The following CATSPERB variants were observed in gnomAD, a reference collection of about 807,000 sequenced individuals.
CATSPERB encodes the protein catsper channel auxiliary subunit beta.
Under a neutral mutation model 128.3 loss-of-function variants are expected in CATSPERB, and 93 were observed. That is an observed-to-expected ratio of 0.72 (90% CI 0.61 to 0.86). CATSPERB has a LOEUF of 0.86. CATSPERB is among the 40% of genes least tolerant of loss of function. The pLI is 0.00. For synonymous variants in CATSPERB, 381 were observed against 448.8 expected (o/e 0.85, Z 1.91); for missense variants, 1,153 against 1,329.5 (o/e 0.87, Z 2.06).
chr14:91,731,089 C>G (rs1366943149), intron 1 of CATSPERB, among the ~76,000 whole-genome samples: 1 of 152,204 alleles, frequency 6.6e-6, no homozygotes, highest in Non-Finnish European at 1.5e-5. Flanking sequence ...TCTTATATCA[C>G]TTTGCTAAAC....
intron 6 of CATSPERB, 75 bp downstream of exon 6, chr14:91,708,066 C>G (rs1249101850): frequency 2.1e-6 from 2 of 932,348 alleles, no homozygotes; most frequent in African/African-American, 3.3e-5. Flanking sequence ...AGCACAGAAT[C>G]TGGCATATAG....
chr14:91,612,482 C>G (rs1216201821), intron 20 of CATSPERB, among the ~76,000 whole-genome samples: 1 of 152,032 alleles, frequency 6.6e-6, no homozygotes, highest in Non-Finnish European at 1.5e-5. Context: ...ATAAAATTCA[C>G]TTAGTAATCA....
chr14:91,621,544 T>C (rs1894041482), intron 19 of CATSPERB, 64 bp downstream of exon 19: 1 of 1,271,876 alleles, frequency 7.9e-7, no homozygotes, highest in East Asian at 2.3e-5. Flanking sequence ...TCAAAGAGTA[T>C]ATTTCACATT....
intron 18 of CATSPERB, among the ~76,000 whole-genome samples, chr14:91,622,300 C>A (rs1894064939): frequency 6.6e-6 from 1 of 151,886 alleles, no homozygotes; most frequent in Admixed American, 6.6e-5. Flanking sequence ...TAGCCAGTTT[C>A]CCCAGTACCT....
chr14:91,699,114 A>AC (rs1223905256), intron 7 of CATSPERB, among the ~76,000 whole-genome samples: 2 of 152,186 alleles, frequency 1.3e-5, no homozygotes, highest in East Asian at 3.8e-4. Context: ...GTTGATGGGC[A>AC]CTTAGGTTTG....
At chr14:91,717,300 A>G (rs2139776002) in intron 5 of CATSPERB, among the ~76,000 whole-genome samples, 1 of 152,342 alleles carries the variant, frequency 6.6e-6, no homozygotes, top group East Asian at 1.9e-4. Context: ...ACGGTTGTAT[A>G]CATTTGTCAA....
At chr14:91,681,034 C>T (rs760643182) in intron 11 of CATSPERB, among the ~76,000 whole-genome samples, 10 of 152,094 alleles carry the variant, frequency 6.6e-5, no homozygotes, top group Non-Finnish European at 8.8e-5. Context: ...TGCCAGAAAA[C>T]GATTAAGTCT....
At chr14:91,594,243 C>T (rs1048983383) in intron 22 of CATSPERB, among the ~76,000 whole-genome samples, 4 of 151,862 alleles carry the variant, frequency 2.6e-5, no homozygotes, top group Admixed American at 6.6e-5. Context: ...AACCAAACAC[C>T]GCATGTTCTC....
At chr14:91,685,484 C>G (rs551132521) in intron 10 of CATSPERB, among the ~76,000 whole-genome samples, 3 of 152,130 alleles carry the variant, frequency 2.0e-5, no homozygotes, top group Non-Finnish European at 4.4e-5. Flanking sequence ...TTGAGACTGC[C>G]TATGTGCAAG....
chr14:91,584,289 G>C (rs529159090), intron 26 of CATSPERB, among the ~76,000 whole-genome samples: 39 of 152,060 alleles, frequency 2.6e-4, no homozygotes, highest in Non-Finnish European at 4.1e-4. Context: ...GGCTGGTCTC[G>C]AACTCCTGAC....
chr14:91,665,235 T>C (rs1191888281), intron 14 of CATSPERB, among the ~76,000 whole-genome samples: 1 of 152,192 alleles, frequency 6.6e-6, no homozygotes, highest in Admixed American at 6.5e-5. Flanking sequence ...ATTTTTGATC[T>C]ACACACTTTT....
At chr14:91,710,536 G>C (rs1033982439) in intron 5 of CATSPERB, 1 of 152,086 alleles carries the variant, frequency 6.6e-6, no homozygotes, top group African/African-American at 2.4e-5. Context: ...CCTCTACTTG[G>C]CACTATTACA....
At chr14:91,587,606 G>T (rs1486608501) in intron 25 of CATSPERB, among the ~76,000 whole-genome samples, 8 of 149,182 alleles carry the variant, frequency 5.4e-5, no homozygotes, top group South Asian at 2.1e-4. Context: ...ATTCTGATTG[G>T]TTTTCACAAT....
chr14:91,652,265 C>A (rs879363794), intron 15 of CATSPERB, among the ~76,000 whole-genome samples: 15 of 151,980 alleles, frequency 9.9e-5, no homozygotes, highest in Admixed American at 9.8e-4. Flanking sequence ...ATCAAAACTT[C>A]ATTCAAAAAA....
chr14:91,591,163 T>G (rs1893392999), intron 23 of CATSPERB, among the ~76,000 whole-genome samples: 1 of 152,154 alleles, frequency 6.6e-6, no homozygotes, highest in African/African-American at 2.4e-5. Flanking sequence ...GTTTAAGCAA[T>G]GCTGTCTCAG....
rs753176166 is a variant in CATSPERB at position 91,725,132 on chromosome 14, C to A, written c.116G>T (p.Gly39Val). 19 of 1,576,392 alleles carry A rather than the reference C, an allele frequency of 1.2e-5. No individual in the cohort carries two copies. The highest frequency in any genetic ancestry group is 1.3e-5 in the Non-Finnish European group (15 of 1,163,164). ...GATTATTTCATTCTCTTGAGGGAACCCTTTGTTAGAACATGCAAAGCGTTT... is the reference window on the plus strand; with the variant it reads ...GATTATTTCATTCTCTTGAGGGAACACTTTGTTAGAACATGCAAAGCGTTT... ...TEKRFACSNKGFPQENEIIKL... is the reference protein window; with the variant it reads ...TEKRFACSNKVFPQENEIIKL... Residue 39 changes from glycine to valine, a missense_variant, in exon 3 of 27, where the codon GGG becomes GTG. By Grantham distance (109) the Gly-to-Val change is moderately radical. Coordinates refer to ENST00000256343, the MANE Select transcript of CATSPERB (RefSeq NM_024764.4).
intron 9 of CATSPERB, 96 bp downstream of exon 9, chr14:91,693,030 T>A: frequency 1.1e-6 from 1 of 886,902 alleles, no homozygotes; most frequent in Non-Finnish European, 1.8e-6. Context: ...ATTTCAATTT[T>A]AAGATACACC....
intron 14 of CATSPERB, among the ~76,000 whole-genome samples, chr14:91,660,869 T>G (rs1047536141): frequency 1.3e-5 from 2 of 152,218 alleles, no homozygotes; most frequent in African/African-American, 4.8e-5. Flanking sequence ...TACATTCATA[T>G]GTATGCAGAT....
intron 13 of CATSPERB, among the ~76,000 whole-genome samples, chr14:91,670,772 A>G (rs7144245): frequency 0.39 from 59,884 of 151,666 alleles, 11,927 homozygotes; most frequent in Middle Eastern, 0.54. Context: ...GGGGGGCCGA[A>G]CTGGGTGGAT....
Sources: allele counts gnomAD v4.1 joint callset (sites outside exome capture counted in the v4.1 genomes callset), GRCh38; gene constraint gnomAD v4.1.1; transcripts MANE v1.5; gene names NCBI Gene and HGNC (gene_info 2026-07-23, HGNC 2026-07-21).